The following MROH1 variants were observed in gnomAD, a reference collection of about 807,000 sequenced individuals.
MROH1 encodes maestro heat-like repeat-containing protein family member 1.
MROH1 carries 117 observed loss-of-function variants against 116.5 expected under a neutral mutation model. That is an observed-to-expected ratio of 1.00 (90% CI 0.86 to 1.17). MROH1 has a LOEUF of 1.17. Ranked by LOEUF, MROH1 falls within the 50% of genes most tolerant of loss-of-function variation. MROH1 has a pLI of 0.00. For synonymous variants in MROH1, 921 were observed against 583.9 expected (o/e 1.58, Z -8.32); for missense variants, 1,873 against 1,338.5 (o/e 1.40, Z -6.23).
chr8:144,214,892 A>G (rs1293354919), intron 12 of MROH1, among the ~76,000 whole-genome samples: 1 of 152,222 alleles, frequency 6.6e-6, no homozygotes, highest in Non-Finnish European at 1.5e-5. Flanking sequence ...AGCCAGTCCC[A>G]GTCCCACAGC....
chr8:144,202,017 C>CA (rs764827689), intron 12 of MROH1, among the ~76,000 whole-genome samples: 3,888 of 52,438 alleles, frequency 0.074, 260 homozygotes, highest in African/African-American at 0.17. Flanking sequence ...GACTCCGTCT[C>CA]CAAAAAAAAA....
rs985444001 is a variant in MROH1 at position 144,188,197 on chromosome 8, A to G, written c.563-2587A>G. Among the ~76,000 whole-genome samples the G allele has an allele frequency of 3.0e-4, 46 of 152,260 alleles. 1 individual carries two copies. The highest frequency in any genetic ancestry group is 7.3e-5 in the Non-Finnish European group (5 of 68,050). On this transcript the variant is annotated intron_variant, in intron 7 of 43. Coordinates refer to ENST00000326134, the MANE Select transcript of MROH1 (RefSeq NM_032450.3). ...AAATTAAAGGAATTTGTTCATCAGA[A>G]GATCTGAAAAAATGTACAGAACTGC...
chr8:144,255,315 G>A (rs1032765838), intron 34 of MROH1, among the ~76,000 whole-genome samples, 194 bp from the exon 35 acceptor site: 24 of 152,342 alleles, frequency 1.6e-4, no homozygotes, highest in Non-Finnish European at 2.1e-4. Context: ...CTGCCCCTCT[G>A]TCCCTGTCTC....
At chr8:144,255,450 G>T in intron 34 of MROH1, 59 bp from the exon 35 acceptor site, 1 of 757,706 alleles carries the variant, frequency 1.3e-6, no homozygotes, top group East Asian at 2.5e-5. Flanking sequence ...ATTGGGTGCA[G>T]GGCTCAGATC....
intron 12 of MROH1, among the ~76,000 whole-genome samples, chr8:144,205,585 T>C (rs975717849): frequency 1.3e-5 from 2 of 151,858 alleles, no homozygotes; most frequent in African/African-American, 2.4e-5. Flanking sequence ...AAACCGGAAA[T>C]TTTACTGTGT....
rs1419008727 is a variant in MROH1, at chr8:144,195,519, A to G, written c.948+3118A>G. Reference sequence around the variant, plus strand: ...TCTGTCTCAAAAAAAAAAAAAAAAAAAAAAAAGAAACAGAGTCTCACTCTG... The same window carrying G: ...TCTGTCTCAAAAAAAAAAAAAAAAAGAAAAAAGAAACAGAGTCTCACTCTG... On this transcript the variant is annotated intron_variant, in intron 10 of 43. Coordinates refer to ENST00000326134, the MANE Select transcript of MROH1 (RefSeq NM_032450.3). 2.7e-4 allele frequency among the ~76,000 whole-genome samples: 40 copies of G among 147,608 alleles called. 1 individual carries two copies. Among genetic ancestry groups the G allele is most frequent in the African/African-American group, 7.4e-4 (30 of 40,720 alleles).
At chr8:144,173,098 CTTTTT>C (rs57999074) in intron 4 of MROH1, among the ~76,000 whole-genome samples, 3 of 130,340 alleles carry the variant, frequency 2.3e-5, no homozygotes, top group Admixed American at 7.8e-5. Context: ...AGTTATGGTA[CTTTTT>C]TTTTTTTTTT....
chr8:144,201,421 T>C (rs188167559), intron 12 of MROH1, among the ~76,000 whole-genome samples: 47 of 152,308 alleles, frequency 3.1e-4, no homozygotes, highest in Non-Finnish European at 6.3e-4. Flanking sequence ...CAAGTGAGCT[T>C]GTGGTTTCCA....
intron 12 of MROH1, among the ~76,000 whole-genome samples, chr8:144,215,789 C>T (rs1263486215): frequency 3.3e-5 from 5 of 150,254 alleles, no homozygotes; most frequent in African/African-American, 9.8e-5. Flanking sequence ...AGGAGAATGG[C>T]GTGAACCTGG....
intron 19 of MROH1, 50 bp downstream of exon 19, chr8:144,240,203 T>TG: frequency 2.8e-6 from 2 of 711,150 alleles, no homozygotes; most frequent in Non-Finnish European, 2.6e-6. Context: ...TTGTCTGGCC[T>TG]GGGGGGTGCT....
chr8:144,183,380 CAA>C (rs556094390), intron 7 of MROH1, among the ~76,000 whole-genome samples: 15 of 80,782 alleles, frequency 1.9e-4, no homozygotes, highest in Admixed American at 4.2e-4. Flanking sequence ...GACTCTGTCT[CAA>C]AAAAAAAAAA....
chr8:144,203,731 GCCTCTGGT>G (rs1328507732), intron 12 of MROH1, among the ~76,000 whole-genome samples: 3 of 152,172 alleles, frequency 2.0e-5, no homozygotes, highest in Non-Finnish European at 2.9e-5. Context: ...CATGCACTCA[GCCTCTGGT>G]GGTAGAAGTA....
rs188567977 is a variant in MROH1 at position 144,208,170 on chromosome 8, C to T, written c.1141+7629C>T. ...TGTTGATCAGGCTGGTCTCAAACTC[C>T]TGACCTCAGGTGATCCGCCCGCCTC... On this transcript the variant is annotated intron_variant, in intron 12 of 43. Transcript: ENST00000326134. Among the ~76,000 whole-genome samples, 709 of 152,242 alleles carry T rather than the reference C, an allele frequency of 4.7e-3. 3 individuals carry two copies. Among genetic ancestry groups the T allele is most frequent in the African/African-American group, 0.016 (682 of 41,558 alleles).
At chr8:144,220,113 A>G (rs59957494) in intron 12 of MROH1, among the ~76,000 whole-genome samples, 9,556 of 152,254 alleles carry the variant, frequency 0.063, 1,029 homozygotes, top group African/African-American at 0.22. Flanking sequence ...TTAAATATCC[A>G]GAAATGAAGG....
At chr8:144,217,148 A>G (rs1239620258) in intron 12 of MROH1, among the ~76,000 whole-genome samples, 8 of 152,154 alleles carry the variant, frequency 5.3e-5, no homozygotes, top group Admixed American at 2.6e-4. Flanking sequence ...GGATCTCATC[A>G]CTTAAAAAAA....
chr8:144,234,499 T>G (rs868951609), intron 14 of MROH1, among the ~76,000 whole-genome samples: 4 of 40,090 alleles, frequency 1.0e-4, no homozygotes, highest in South Asian at 1.3e-3. Flanking sequence ...TTCTTTTTCG[T>G]TTTTTTTTTT....
intron 13 of MROH1, 120 bp downstream of exon 13, chr8:144,220,793 G>A: frequency 1.3e-6 from 1 of 784,200 alleles, no homozygotes; most frequent in South Asian, 1.7e-5. Flanking sequence ...GCTGGACTGA[G>A]CTTGGGAACA....
chr8:144,212,076 T>TTTTGTTTGTTTGTTTG (rs56029728), intron 12 of MROH1, among the ~76,000 whole-genome samples: 3,356 of 151,186 alleles, frequency 0.022, 138 homozygotes, highest in African/African-American at 0.077. Flanking sequence ...TGTGTTGTTT[T>TTTTGTTTGTTTGTTTG]TTTGTTTGTT....
rs377675777 is a variant in MROH1 at position 144,231,264 on chromosome 8, G to C, written c.1339-7492G>C. Among the ~76,000 whole-genome samples the C allele has an allele frequency of 8.8e-3, 1,324 of 151,238 alleles. 16 individuals carry two copies. Among genetic ancestry groups the C allele is most frequent in the African/African-American group, 0.031 (1,257 of 41,144 alleles). ...TCTCAATCTTTTCCCCACCTTTCCCGCCTTTCTATTCCACAAAGCCGCCAT... is the reference window on the plus strand; with the variant it reads ...TCTCAATCTTTTCCCCACCTTTCCCCCCTTTCTATTCCACAAAGCCGCCAT... On this transcript the variant is annotated intron_variant, in intron 14 of 43. Coordinates refer to ENST00000326134, the MANE Select transcript of MROH1 (RefSeq NM_032450.3).
Sources: gnomAD v4.1 joint callset for allele counts (sites outside exome capture counted in the v4.1 genomes callset) on GRCh38, gnomAD v4.1.1 for gene constraint, MANE v1.5 for transcripts, NCBI Gene and HGNC (gene_info 2026-07-23, HGNC 2026-07-21) for gene names.